The following LRRC2 variants were observed in gnomAD, a reference collection of about 807,000 sequenced individuals.
The protein encoded by LRRC2 is leucine rich repeat containing 2.
LRRC2 carries 27 observed loss-of-function variants against 40.2 expected under a neutral mutation model. The observed-to-expected ratio is 0.67, with a 90% CI of 0.49 to 0.93. LRRC2 has a LOEUF of 0.93. LRRC2 is among the 40% of genes least tolerant of loss of function. The probability of loss-of-function intolerance (pLI) is 0.00; values close to 1 mark genes in which losing one functional copy is unlikely to be tolerated. For synonymous variants in LRRC2, 147 were observed against 158.9 expected (o/e 0.92, Z 0.56); for missense variants, 402 against 439.6 (o/e 0.91, Z 0.76).
At chr3:46,538,542 G>C (rs1188172508) in intron 4 of LRRC2, among the ~76,000 whole-genome samples, 4 of 152,046 alleles carry the variant, frequency 2.6e-5, no homozygotes, top group Non-Finnish European at 4.4e-5. Flanking sequence ...GCTGAGGCAG[G>C]AGAATCACTT....
chr3:46,563,788 G>C (rs1479874063), intron 1 of LRRC2, among the ~76,000 whole-genome samples: 1 of 152,194 alleles, frequency 6.6e-6, no homozygotes, highest in African/African-American at 2.4e-5. Flanking sequence ...CATGAGTTCA[G>C]CTGAGCAGGT....
chr3:46,531,546 T>G (rs1422660038), intron 5 of LRRC2, among the ~76,000 whole-genome samples: 1 of 152,074 alleles, frequency 6.6e-6, no homozygotes, highest in East Asian at 1.9e-4. Flanking sequence ...CTCAACAGGA[T>G]TTATTTATGG....
intron 1 of LRRC2, among the ~76,000 whole-genome samples, chr3:46,565,850 C>T (rs1181455017): frequency 1.3e-5 from 2 of 152,242 alleles, no homozygotes; most frequent in African/African-American, 4.8e-5. Flanking sequence ...TTGGGCTCAG[C>T]CTTGGGCGCC....
At chr3:46,553,424 C>T (rs6768992) in intron 1 of LRRC2, among the ~76,000 whole-genome samples, 134,878 of 152,258 alleles carry the variant, frequency 0.89, 59,835 homozygotes, top group East Asian at 1. Context: ...ATAGCAGTCA[C>T]GGATATGAAG....
chr3:46,515,627 T>C lies in LRRC2; in HGVS notation c.*3387A>G, dbSNP rs928983481. The C allele has an allele frequency of 1.3e-5, 2 of 152,198 alleles. No homozygotes were observed. Among genetic ancestry groups the C allele is most frequent in the Non-Finnish European group, 2.9e-5 (2 of 68,024 alleles). 9.4% of individuals were successfully genotyped at this position (152,198 alleles called of 1,614,324 possible). A position where few individuals can be genotyped will look rare whatever the true frequency, so the allele number is the denominator to read the frequency against. ...AGTAATTATTTGTTTTGGGTTATTATGTAACATGAAATAATTATATATCAA... is the reference window on the plus strand; with the variant it reads ...AGTAATTATTTGTTTTGGGTTATTACGTAACATGAAATAATTATATATCAA... On this transcript the variant is annotated 3_prime_UTR_variant, in exon 9 of 9. Transcript: ENST00000395905.
At chr3:46,527,299 G>T in intron 7 of LRRC2, 127 bp downstream of exon 7, 1 of 962,584 alleles carries the variant, frequency 1.0e-6, no homozygotes, top group Non-Finnish European at 1.6e-6. Flanking sequence ...ACTTCTGTGA[G>T]TTGGGATCAG....
intron 1 of LRRC2, chr3:46,558,100 T>C (rs1704851530): frequency 1.3e-5 from 2 of 152,160 alleles, no homozygotes. Flanking sequence ...GCAAAGGGAC[T>C]GTTCTGAGCC....
intron 2 of LRRC2, among the ~76,000 whole-genome samples, chr3:46,550,693 T>C (rs960718374): frequency 1.3e-5 from 2 of 152,208 alleles, no homozygotes; most frequent in African/African-American, 2.4e-5. Flanking sequence ...GCCCAGCCCC[T>C]ACACATCTTG....
At chr3:46,529,207 A>G (rs886154504) in intron 6 of LRRC2, among the ~76,000 whole-genome samples, 1 of 152,156 alleles carries the variant, frequency 6.6e-6, no homozygotes, top group Non-Finnish European at 1.5e-5. Flanking sequence ...CTTGCCATAC[A>G]GGAGTCTAAT....
chr3:46,523,908 C>T (rs1274428681), intron 7 of LRRC2, among the ~76,000 whole-genome samples: 2 of 152,214 alleles, frequency 1.3e-5, no homozygotes, highest in Admixed American at 6.5e-5. Flanking sequence ...TATCTCAAAG[C>T]ACAATCACAG....
chr3:46,543,162 T>A (rs1451115437), intron 3 of LRRC2, among the ~76,000 whole-genome samples: 1 of 152,170 alleles, frequency 6.6e-6, no homozygotes, highest in East Asian at 1.9e-4. Flanking sequence ...TGGACTCTCC[T>A]GTACTCAATC....
chr3:46,529,541 T>G (rs1326913016), intron 6 of LRRC2, among the ~76,000 whole-genome samples: 3 of 152,248 alleles, frequency 2.0e-5, no homozygotes, highest in Non-Finnish European at 2.9e-5. Context: ...CTAATAAAAT[T>G]TGTCCTCATT....
At chr3:46,557,837 T>C (rs1171342868) in intron 1 of LRRC2, 1 of 152,238 alleles carries the variant, frequency 6.6e-6, no homozygotes, top group Non-Finnish European at 1.5e-5. Context: ...ACTGGTGGCA[T>C]GGGCATGTGA....
In LRRC2 at chr3:46,518,772, GA is replaced by G; in HGVS notation, c.*241del. On this transcript the variant is annotated 3_prime_UTR_variant, in exon 9 of 9. Coordinates refer to ENST00000395905, the MANE Select transcript of LRRC2 (RefSeq NM_024512.5). ...AAACATATTAAATGTGCATTATTTG[GA>G]AAAAAGTATATGCAAATGAACCTGG... is the stretch of plus-strand genomic sequence containing the variant. 2.4e-6 allele frequency: 1 copy of G among 424,554 alleles called. No homozygotes were observed. Among genetic ancestry groups the G allele is most frequent in the Non-Finnish European group, 4.1e-6 (1 of 241,572 alleles). 26.3% of individuals were successfully genotyped at this position (424,554 alleles called of 1,614,324 possible).
At chr3:46,522,760 A>AACACACACACACACACACACACAC (rs71098411) in intron 7 of LRRC2, among the ~76,000 whole-genome samples, 1 of 143,340 alleles carries the variant, frequency 7.0e-6, no homozygotes, top group Non-Finnish European at 1.5e-5. Context: ...AACTACTGCT[A>AACACACACACACACACACACACAC]ACACACACAC....
chr3:46,563,000 A>G (rs1353431907), intron 1 of LRRC2, among the ~76,000 whole-genome samples: 1 of 152,138 alleles, frequency 6.6e-6, no homozygotes, highest in Non-Finnish European at 1.5e-5. Flanking sequence ...TGCTGAGATT[A>G]CAGGTATGAG....
chr3:46,550,485 G>A (rs1187336217), intron 2 of LRRC2, among the ~76,000 whole-genome samples: 10 of 144,908 alleles, frequency 6.9e-5, no homozygotes, highest in Non-Finnish European at 1.0e-4. Flanking sequence ...CCGGGTTCAC[G>A]CCATTCTCCT....
rs1168346263 is a variant in LRRC2, at chr3:46,518,854, C to T, written c.*160G>A. On this transcript the variant is annotated 3_prime_UTR_variant, in exon 9 of 9. Transcript: ENST00000395905. ...TCTCCAGTCCATGGAGGGAGATACT[C>T]ATGTATTTGACATTTGAAAACCATT... The T allele has an allele frequency of 1.7e-6, 1 of 602,970 alleles. No homozygotes were observed. Among genetic ancestry groups the T allele is most frequent in the Non-Finnish European group, 3.0e-6 (1 of 337,410 alleles). 37.4% of individuals were successfully genotyped at this position (602,970 alleles called of 1,614,324 possible).
chr3:46,537,050 A>T (rs1290837488), intron 4 of LRRC2, among the ~76,000 whole-genome samples: 2 of 152,122 alleles, frequency 1.3e-5, no homozygotes, highest in Non-Finnish European at 1.5e-5. Flanking sequence ...GCAGGATGGC[A>T]AGGATCCCTG....
Sources: gnomAD v4.1 joint callset for allele counts (sites outside exome capture counted in the v4.1 genomes callset) on GRCh38, gnomAD v4.1.1 for gene constraint, MANE v1.5 for transcripts, NCBI Gene and HGNC (gene_info 2026-07-23, HGNC 2026-07-21) for gene names.